The following HMCN1 variants were observed in gnomAD, a reference collection of about 807,000 sequenced individuals.
The protein encoded by HMCN1 is hemicentin-1.
HMCN1 carries 321 observed loss-of-function variants against 625.9 expected under a neutral mutation model. The observed-to-expected ratio is 0.51, with a 90% CI of 0.47 to 0.56. The LOEUF (loss-of-function observed/expected upper bound fraction) is 0.56, where lower values mean the gene tolerates loss of function less well. Among genes scored for constraint, HMCN1 ranks in the 20% least tolerant of loss-of-function variants. HMCN1 has a pLI of 0.00. For synonymous variants in HMCN1, 2,425 were observed against 2,417.6 expected, an observed-to-expected ratio of 1.00 and a Z score of -0.09; for missense variants, 6,588 against 6,887.3, an observed-to-expected ratio of 0.96 and a Z score of 1.54.
chr1:186,093,333 AG>A (rs1474827522), intron 65 of HMCN1, 75 bp downstream of exon 65: 1 of 1,597,410 alleles, frequency 6.3e-7, no homozygotes, highest in Non-Finnish European at 8.6e-7. Context: ...GCCCAGCAGC[AG>A]GTGTCTGGAG....
intron 4 of HMCN1, among the ~76,000 whole-genome samples, chr1:185,898,163 C>T (rs1326499126): frequency 1.3e-5 from 2 of 152,160 alleles, no homozygotes; most frequent in Non-Finnish European, 2.9e-5. Flanking sequence ...GGGCGTAATA[C>T]AGAGAACAGG....
Position 186,160,608 on chromosome 1 carries a change from CTGTTA to C in HMCN1, c.15257-4498_15257-4494del, listed in dbSNP as rs575437282. Reference sequence around the variant, plus strand: ...CTGCTTTGTATGTGTCCCAGAGATTCTGTTATGTTGTGTCTTTGTTTTCGTTGGTT... The same window carrying C: ...CTGCTTTGTATGTGTCCCAGAGATTCTGTTGTGTCTTTGTTTTCGTTGGTT... On this transcript the variant is annotated intron_variant, in intron 97 of 106. Coordinates refer to ENST00000271588, the MANE Select transcript of HMCN1 (RefSeq NM_031935.3). Among the ~76,000 whole-genome samples the C allele has an allele frequency of 3.9e-3, 600 of 152,108 alleles. 5 individuals carry two copies. The highest frequency in any genetic ancestry group is 0.014 in the African/African-American group (568 of 41,466).
intron 4 of HMCN1, among the ~76,000 whole-genome samples, chr1:185,890,303 A>G (rs182759639): frequency 6.8e-6 from 1 of 147,532 alleles, no homozygotes; most frequent in Non-Finnish European, 1.5e-5. Flanking sequence ...TTTGTGTCTC[A>G]ATTTCCTTCA....
chr1:185,941,485 T>C (rs1668077454), intron 11 of HMCN1, among the ~76,000 whole-genome samples: 1 of 152,216 alleles, frequency 6.6e-6, no homozygotes, highest in Non-Finnish European at 1.5e-5. Context: ...GATCTGGAAT[T>C]TTGTAGGACT....
chr1:186,010,183 GTGTGTC>G (rs1653904203), intron 30 of HMCN1, among the ~76,000 whole-genome samples: 1 of 152,064 alleles, frequency 6.6e-6, no homozygotes, highest in Non-Finnish European at 1.5e-5. Flanking sequence ...GTGTCTGTGT[GTGTGTC>G]TGTGTCTGTG....
At chr1:185,917,660 C>T (rs1391922549) in intron 6 of HMCN1, among the ~76,000 whole-genome samples, 4 of 152,180 alleles carry the variant, frequency 2.6e-5, no homozygotes, top group Admixed American at 2.6e-4. Context: ...CTACACTTAT[C>T]ACGTGCCAGC....
intron 1 of HMCN1, among the ~76,000 whole-genome samples, chr1:185,841,167 A>G (rs1051261363): frequency 6.6e-6 from 1 of 152,226 alleles, no homozygotes; most frequent in African/African-American, 2.4e-5. Context: ...AATCCAACCC[A>G]TCTGATAAAT....
At chr1:185,931,392 T>G (rs1667541369) in intron 10 of HMCN1, among the ~76,000 whole-genome samples, 1 of 152,118 alleles carries the variant, frequency 6.6e-6, no homozygotes, top group Non-Finnish European at 1.5e-5. Context: ...CCCGCATCAC[T>G]CCCCTATTCC....
chr1:186,163,021 A>G (rs946789936), intron 97 of HMCN1, among the ~76,000 whole-genome samples: 2 of 152,234 alleles, frequency 1.3e-5, no homozygotes, highest in African/African-American at 4.8e-5. Flanking sequence ...TGGAGCCTAC[A>G]GAGGCAGGCA....
chr1:186,028,788 G>A lies in HMCN1; in HGVS notation c.5749+5635G>A, dbSNP rs1003287313. Among the ~76,000 whole-genome samples, 4 of 149,796 alleles carry A rather than the reference G, an allele frequency of 2.7e-5. No individual in the cohort carries two copies. In the East Asian group the frequency reaches 5.9e-4, roughly 22 times the overall value. On this transcript the variant is annotated intron_variant, in intron 36 of 106. Transcript: ENST00000271588. The stretch of plus-strand genomic sequence containing the variant: ...TGCCTGGGCTGGAGTACAATGGCGC[G>A]ATCTTGGCTCACTGCAACTTCCGCC...
chr1:185,954,638 A>C (rs940080800), intron 11 of HMCN1, among the ~76,000 whole-genome samples: 1 of 152,134 alleles, frequency 6.6e-6, no homozygotes, highest in Non-Finnish European at 1.5e-5. Context: ...ACCCCACTTA[A>C]AAAAATACTG....
chr1:185,849,517 G>T (rs992075222), intron 2 of HMCN1, among the ~76,000 whole-genome samples: 1 of 152,120 alleles, frequency 6.6e-6, no homozygotes, highest in African/African-American at 2.4e-5. Flanking sequence ...ATGAATGAAT[G>T]AATGAATATA....
Position 186,109,878 on chromosome 1 carries a change from C to T in HMCN1, c.10989+1281C>T, listed in dbSNP as rs111682701. Reference sequence around the variant, plus strand: ...AACTTAGCTCACAAGCCCTTTCATGCTCTGACTTTGCCTCCATAGTCTGAT... The same window carrying T: ...AACTTAGCTCACAAGCCCTTTCATGTTCTGACTTTGCCTCCATAGTCTGAT... On this transcript the variant is annotated intron_variant, in intron 71 of 106. Coordinates refer to ENST00000271588, the MANE Select transcript of HMCN1 (RefSeq NM_031935.3). Among the ~76,000 whole-genome samples the T allele has an allele frequency of 8.7e-3, 1,327 of 152,272 alleles. 11 individuals carry two copies. The highest frequency in any genetic ancestry group is 0.03 in the African/African-American group (1,246 of 41,542).
At chr1:185,878,531 T>C (rs919916984) in intron 4 of HMCN1, among the ~76,000 whole-genome samples, 1 of 152,150 alleles carries the variant, frequency 6.6e-6, no homozygotes, top group Non-Finnish European at 1.5e-5. Flanking sequence ...TGTTTGTTTA[T>C]GTATTTAGTG....
At chr1:185,951,931 G>A (rs1052102112) in intron 11 of HMCN1, among the ~76,000 whole-genome samples, 50 of 152,004 alleles carry the variant, frequency 3.3e-4, no homozygotes, top group Middle Eastern at 3.4e-3. Flanking sequence ...ATTAAATCCT[G>A]TTGTGGGGTT....
chr1:185,970,276 G>T, intron 14 of HMCN1, 59 bp from the exon 15 acceptor site: 2 of 1,477,648 alleles, frequency 1.4e-6, no homozygotes, highest in South Asian at 2.3e-5. Flanking sequence ...TAAACCAATA[G>T]CTGCATAAAC....
At chr1:185,928,045 G>A (rs1236837071) in intron 9 of HMCN1, among the ~76,000 whole-genome samples, 1 of 151,942 alleles carries the variant, frequency 6.6e-6, no homozygotes, top group Non-Finnish European at 1.5e-5. Context: ...TGTGTATGTA[G>A]GTTGAATGAT....
At chr1:185,959,444 G>A (rs185237324) in intron 11 of HMCN1, among the ~76,000 whole-genome samples, 1 of 152,200 alleles carries the variant, frequency 6.6e-6, no homozygotes, top group East Asian at 1.9e-4. Flanking sequence ...TCTTAAAGTA[G>A]TATTGGTTTT....
intron 46 of HMCN1, among the ~76,000 whole-genome samples, chr1:186,060,223 A>G (rs1393044974): frequency 6.6e-6 from 1 of 152,110 alleles, no homozygotes; most frequent in Non-Finnish European, 1.5e-5. Flanking sequence ...GTGTTTACAT[A>G]AACAGAAAAC....
Sources: allele counts gnomAD v4.1 joint callset (sites outside exome capture counted in the v4.1 genomes callset), GRCh38; gene constraint gnomAD v4.1.1; transcripts MANE v1.5; gene names NCBI Gene and HGNC (gene_info 2026-07-23, HGNC 2026-07-21).